Variants in SHLD1 observed in about 807,000 individuals in gnomAD.
SHLD1 encodes the protein shieldin complex subunit 1.
Under a neutral mutation model 5.5 loss-of-function variants are expected in SHLD1, and 3 were observed. The observed-to-expected ratio is 0.54, with a 90% CI of 0.25 to 1.40. The LOEUF is 1.40. Ranked by LOEUF, SHLD1 falls within the 40% of genes most tolerant of loss-of-function variation. The probability of loss-of-function intolerance (pLI) is 0.15; values close to 1 mark genes in which losing one functional copy is unlikely to be tolerated. For synonymous variants in SHLD1, 92 were observed against 94.3 expected (o/e 0.98, Z 0.14); for missense variants, 210 against 244.4 (o/e 0.86, Z 0.94).
At chr20:5,751,978 T>G (rs1475369735) in intron 1 of SHLD1, among the ~76,000 whole-genome samples, 1 of 152,184 alleles carries the variant, frequency 6.6e-6, no homozygotes, top group African/African-American at 2.4e-5. Flanking sequence ...AAGCTTTGTC[T>G]AAAGACTTGA....
In SHLD1 at chr20:5,863,423, C is replaced by T. The variant is rs1568537141; in HGVS notation, c.578C>T (p.Thr193Ile). 1.2e-6 allele frequency: 2 copies of T among 1,610,936 alleles called. No individual in the cohort carries two copies. The highest frequency in any genetic ancestry group is 2.2e-5 in the South Asian group (2 of 90,550). ...KPNPGLSKDI[T>I]HFLLQQNVMK... ...AACCCAGGACTGTCAAAGGATATTACTCATTTCCTCTTGCAGCAGAATGTA... is the reference window on the plus strand; with the variant it reads ...AACCCAGGACTGTCAAAGGATATTATTCATTTCCTCTTGCAGCAGAATGTA... The change falls in exon 3 of 3, where the codon ACT (threonine) becomes ATT (isoleucine). Residue 193 changes from threonine to isoleucine, a missense_variant. Coordinates refer to ENST00000303142, the MANE Select transcript of SHLD1 (RefSeq NM_152504.4).
At chr20:5,774,296 C>T (rs190511203) in intron 2 of SHLD1, among the ~76,000 whole-genome samples, 4 of 152,256 alleles carry the variant, frequency 2.6e-5, no homozygotes, top group Non-Finnish European at 2.9e-5. Context: ...CAAATGTAGG[C>T]TTTAATGATG....
At position 5,819,573 on chromosome 20, in the gene SHLD1, G is replaced by A. The variant is rs113455701; in HGVS notation, c.179-43451G>A. Among the ~76,000 whole-genome samples the A allele has an allele frequency of 7.6e-3, 1,163 of 152,326 alleles. 9 individuals are homozygous for A. Among genetic ancestry groups the A allele is most frequent in the African/African-American group, 0.027 (1,128 of 41,576 alleles). The stretch of plus-strand genomic sequence containing the variant: ...ATGGTGGTTCACATCTGTAATCCCA[G>A]CACTTTGGGAGGCTGAGACAGGAGG... On this transcript the variant is annotated intron_variant, in intron 2 of 2. Transcript: ENST00000303142.
rs766327106 is a variant in SHLD1 at position 5,764,126 on chromosome 20, CAAA to C, written c.-4-8724_-4-8722del. Among the ~76,000 whole-genome samples, 271 of 53,198 alleles carry C rather than the reference CAAA, an allele frequency of 5.1e-3. 6 individuals carry two copies. The highest frequency in any genetic ancestry group is 0.032 in the East Asian group (91 of 2,822). 34.9% of individuals were successfully genotyped at this position (53,198 alleles called of 152,430 possible). On this transcript the variant is annotated intron_variant, in intron 1 of 2. Coordinates refer to ENST00000303142, the MANE Select transcript of SHLD1 (RefSeq NM_152504.4). ...TGGGTGACAGAGCAAGGCTCTGTCT[CAAA>C]AAAAAAAAAAATATATATATATTTA...
intron 2 of SHLD1, among the ~76,000 whole-genome samples, chr20:5,817,432 CTGTGTGTGTGTGTGTG>C (rs1190340129): frequency 1.2e-4 from 10 of 85,670 alleles, no homozygotes; most frequent in Non-Finnish European, 6.4e-5. Flanking sequence ...CTCTCTCTCT[CTGTGTGTGTGTGTGTG>C]TGTGTGTGTG....
intron 2 of SHLD1, among the ~76,000 whole-genome samples, chr20:5,791,563 CAAAAAAAA>C (rs34606715): frequency 1.6e-5 from 1 of 61,018 alleles, no homozygotes; most frequent in Non-Finnish European, 2.9e-5. Context: ...GACCCTGTCT[CAAAAAAAA>C]AAAAAAAAAA....
chr20:5,786,688 C>T lies in SHLD1; in HGVS notation c.178+13645C>T, dbSNP rs528043412. ...CTGTCCCATGCCCTGAAGGAAGGAGCGCTGCTCAGAGAGGCCAAGAAGAAT... is the reference window on the plus strand; with the variant it reads ...CTGTCCCATGCCCTGAAGGAAGGAGTGCTGCTCAGAGAGGCCAAGAAGAAT... On this transcript the variant is annotated intron_variant, in intron 2 of 2. Transcript: ENST00000303142. Among the ~76,000 whole-genome samples, 18 of 152,322 alleles carry T rather than the reference C, an allele frequency of 1.2e-4. No individual in the cohort carries two copies. The South Asian group carries it at 2.3e-3, about 19-fold the overall frequency.
rs2088073012 is a variant in SHLD1, at chr20:5,855,634, A to G, written c.179-7390A>G. Among the ~76,000 whole-genome samples, 2 of 152,198 alleles carry G rather than the reference A, an allele frequency of 1.3e-5. No individual in the cohort carries two copies. Among genetic ancestry groups the G allele is most frequent in the Non-Finnish European group, 1.5e-5 (1 of 68,038 alleles). On this transcript the variant is annotated intron_variant, in intron 2 of 2. Coordinates refer to ENST00000303142, the MANE Select transcript of SHLD1 (RefSeq NM_152504.4). This position sits in a 1 kb window ranked among gnomAD's most constrained non-coding sequence, Gnocchi z 4.4. ...AGATCCACTTTCCTTGGCCCCCCAA[A>G]GTGCTGGGATTATAGACATGAGCCG...
At chr20:5,807,139 T>C (rs966534) in intron 2 of SHLD1, among the ~76,000 whole-genome samples, 113,324 of 152,044 alleles carry the variant, frequency 0.75, 42,533 homozygotes, top group South Asian at 0.82. Context: ...TGGTTATGTA[T>C]GATTAGCTCA....
At chr20:5,775,208 T>G (rs1985368556) in intron 2 of SHLD1, among the ~76,000 whole-genome samples, 1 of 152,056 alleles carries the variant, frequency 6.6e-6, no homozygotes, top group Non-Finnish European at 1.5e-5. Flanking sequence ...ATGGCTTTTT[T>G]TTTTTTAATT....
chr20:5,786,964 G>A (rs1276662328), intron 2 of SHLD1, among the ~76,000 whole-genome samples: 1 of 152,116 alleles, frequency 6.6e-6, no homozygotes, highest in Admixed American at 6.5e-5. Flanking sequence ...TGCTATTTCT[G>A]CTGTTGTAGA....
chr20:5,861,513 T>C (rs1276529714), intron 2 of SHLD1, among the ~76,000 whole-genome samples: 1 of 152,254 alleles, frequency 6.6e-6, no homozygotes, highest in Non-Finnish European at 1.5e-5. Context: ...CTTGTCCATG[T>C]GTAGGCCTGC....
chr20:5,762,740 T>G (rs1403721679), intron 1 of SHLD1, among the ~76,000 whole-genome samples: 2 of 151,560 alleles, frequency 1.3e-5, no homozygotes, highest in African/African-American at 4.8e-5. Context: ...TTTGGGAGAC[T>G]GAGGCAGGTG....
intron 2 of SHLD1, among the ~76,000 whole-genome samples, chr20:5,780,870 C>A (rs781187440): frequency 1.1e-4 from 16 of 152,196 alleles, no homozygotes; most frequent in Admixed American, 3.3e-4. Flanking sequence ...TGGATGGACG[C>A]TTCTCTGTCC....
At chr20:5,823,271 GC>G (rs952117225) in intron 2 of SHLD1, among the ~76,000 whole-genome samples, 19 of 151,790 alleles carry the variant, frequency 1.3e-4, no homozygotes, top group African/African-American at 4.6e-4. Context: ...CAGGCCTCAG[GC>G]CTCTTCCCTC....
chr20:5,826,786 A>G (rs1281500281), intron 2 of SHLD1, among the ~76,000 whole-genome samples: 1 of 152,192 alleles, frequency 6.6e-6, no homozygotes, highest in African/African-American at 2.4e-5. Flanking sequence ...ACGATGCCTC[A>G]TACAGAATCT....
At chr20:5,828,924 G>A (rs1247461780) in intron 2 of SHLD1, among the ~76,000 whole-genome samples, 1 of 152,142 alleles carries the variant, frequency 6.6e-6, no homozygotes, top group Non-Finnish European at 1.5e-5. Flanking sequence ...CCAGGCTGGA[G>A]TACAGTGGTG....
intron 2 of SHLD1, among the ~76,000 whole-genome samples, chr20:5,847,817 G>T (rs1251180974): frequency 6.6e-6 from 1 of 152,170 alleles, no homozygotes; most frequent in Non-Finnish European, 1.5e-5. Context: ...CCATTTTGGA[G>T]AGCAATTTGG....
At chr20:5,797,359 A>G (rs569957124) in intron 2 of SHLD1, among the ~76,000 whole-genome samples, 2 of 152,034 alleles carry the variant, frequency 1.3e-5, no homozygotes, top group African/African-American at 4.8e-5. Flanking sequence ...TCTGGAGTTC[A>G]AGATCAGCCT....
Sources: allele counts gnomAD v4.1 joint callset (sites outside exome capture counted in the v4.1 genomes callset), GRCh38; gene constraint gnomAD v4.1.1; non-coding constraint Gnocchi (gnomAD v3.1); transcripts MANE v1.5; gene names NCBI Gene and HGNC (gene_info 2026-07-23, HGNC 2026-07-21).